The following FRK variants were observed in gnomAD, a reference collection of about 807,000 sequenced individuals.
The protein encoded by FRK is fyn related Src family tyrosine kinase.
Under a neutral mutation model 56.4 loss-of-function variants are expected in FRK, and 51 were observed. The ratio of observed to expected loss-of-function variants is 0.90; its 90% confidence interval spans 0.72 to 1.14. The LOEUF (loss-of-function observed/expected upper bound fraction) is 1.14, where lower values mean the gene tolerates loss of function less well. Ranked by LOEUF, FRK falls within the 50% of genes most tolerant of loss-of-function variation. The pLI, the probability that FRK is intolerant of heterozygous loss-of-function variation, is 0.00. For synonymous variants in FRK, 245 were observed against 217.9 expected (o/e 1.12, Z -1.10); for missense variants, 570 against 601.4 (o/e 0.95, Z 0.55).
chr6:116,063,886 A>G (rs1049058752), upstream of FRK, among the ~76,000 whole-genome samples: 1 of 152,132 alleles, frequency 6.6e-6, no homozygotes, highest in African/African-American at 2.4e-5. Flanking sequence ...AGGCTAGGTA[A>G]TTTGTCCAAG....
chr6:116,054,493 T>C lies in FRK; in HGVS notation c.344+5475A>G, dbSNP rs572866072. On this transcript the variant is annotated intron_variant, in intron 1 of 7. Transcript: ENST00000606080. ...AATATATATAATATATAATAGTATA[T>C]TATACTATTATAATATTATACTATA... Among the ~76,000 whole-genome samples the C allele has an allele frequency of 3.9e-3, 560 of 142,474 alleles. 2 individuals are homozygous for C. Among genetic ancestry groups the C allele is most frequent in the Admixed American group, 6.4e-3 (89 of 13,976 alleles). The allele number at this position is 142,474 out of a possible 152,430, so 93.5% of individuals were successfully genotyped here. A position where few individuals can be genotyped will look rare whatever the true frequency, so the allele number is the denominator to read the frequency against.
intron 1 of FRK, among the ~76,000 whole-genome samples, chr6:116,025,133 G>T (rs956356177): frequency 1.3e-5 from 2 of 152,156 alleles, no homozygotes; most frequent in Non-Finnish European, 2.9e-5. Context: ...CAGGCCCCAT[G>T]AAAGGACGAA....
chr6:116,041,678 G>A (rs760012826), intron 1 of FRK, among the ~76,000 whole-genome samples: 5 of 152,160 alleles, frequency 3.3e-5, no homozygotes, highest in Non-Finnish European at 5.9e-5. Context: ...AAGGGAAGCC[G>A]TAAGGGACTA....
chr6:116,060,109 T>A lies in FRK; in HGVS notation c.203A>T (p.Lys68Ile). Reference protein sequence around the residue: ...AEDLSFRAGDKLQVLDTLHEG... With the variant: ...AEDLSFRAGDILQVLDTLHEG... ...ATGCAAAGTGTCCAGAACTTGAAGT[T>A]TGTCACCTGCTCGGAAGCTCAAGTC... Residue 68 changes from lysine (K) to isoleucine (I), a missense_variant, in exon 1 of 8, where the codon AAA becomes ATA. Physicochemically the swap from Lys to Ile is moderately radical, Grantham distance 102. Transcript: ENST00000606080. The A allele has an allele frequency of 6.2e-7, 1 of 1,614,150 alleles. No individual in the cohort carries two copies. The highest frequency in any genetic ancestry group is 8.5e-7 in the Non-Finnish European group (1 of 1,180,026).
intron 1 of FRK, among the ~76,000 whole-genome samples, chr6:116,040,121 C>T: frequency 6.6e-6 from 1 of 152,038 alleles, no homozygotes; most frequent in Admixed American, 6.5e-5. Context: ...TGAATAATGA[C>T]AGCAGAAACT....
intron 1 of FRK, among the ~76,000 whole-genome samples, chr6:116,042,984 CAAAG>C (rs1224339065): frequency 2.0e-5 from 3 of 151,388 alleles, no homozygotes; most frequent in Middle Eastern, 6.4e-3. Context: ...TCAAAAAAGA[CAAAG>C]AAGGGCATTA....
chr6:115,981,195 A>C (rs1036407577), intron 2 of FRK, among the ~76,000 whole-genome samples: 24 of 152,174 alleles, frequency 1.6e-4, no homozygotes, highest in Non-Finnish European at 2.8e-4. Flanking sequence ...GAGATTCCTC[A>C]GCAAAGACAA....
At chr6:116,059,866 G>A in intron 1 of FRK, 102 bp downstream of exon 1, 1 of 993,750 alleles carries the variant, frequency 1.0e-6, no homozygotes, top group Non-Finnish European at 1.5e-6. Flanking sequence ...TACTTTTTAG[G>A]CAACTCTTTG....
In FRK at chr6:115,941,385, CTAATG is replaced by C. The variant is rs1229048889; in HGVS notation, c.*1024_*1028del. 1 of 152,118 alleles carries C rather than the reference CTAATG, an allele frequency of 6.6e-6. No homozygotes were observed. Among genetic ancestry groups the C allele is most frequent in the Non-Finnish European group, 1.5e-5 (1 of 68,034 alleles). The allele number at this position is 152,118 out of a possible 1,614,324, so 9.4% of individuals were successfully genotyped here. A position where few individuals can be genotyped will look rare whatever the true frequency, so the allele number is the denominator to read the frequency against. Reference sequence around the variant, plus strand: ...GGAGGAACAGCACTAGGAGAAATGCCTAATGTAGACGACGGGTTGATGGGTGCAGC... The same window carrying C: ...GGAGGAACAGCACTAGGAGAAATGCCTAGACGACGGGTTGATGGGTGCAGC... On this transcript the variant is annotated 3_prime_UTR_variant, in exon 8 of 8. Coordinates refer to ENST00000606080, the MANE Select transcript of FRK (RefSeq NM_002031.3).
At chr6:116,045,496 T>C (rs1350894183) in intron 1 of FRK, among the ~76,000 whole-genome samples, 6 of 152,238 alleles carry the variant, frequency 3.9e-5, no homozygotes, top group Admixed American at 6.5e-5. Context: ...GGATTCCCTA[T>C]TGAATAAATG....
At chr6:115,956,695 C>T in intron 4 of FRK, 85 bp from the exon 5 acceptor site, 1 of 1,091,136 alleles carries the variant, frequency 9.2e-7, no homozygotes, top group Non-Finnish European at 1.3e-6. Flanking sequence ...ATCAAGATTG[C>T]CTCCTGCTTC....
chr6:115,969,262 A>C lies in FRK; in HGVS notation c.467-523T>G, dbSNP rs573121727. 2.0e-5 allele frequency among the ~76,000 whole-genome samples: 3 copies of C among 152,272 alleles called. No homozygotes were observed. In the South Asian group the frequency reaches 6.2e-4, roughly 32 times the overall value. On this transcript the variant is annotated intron_variant, in intron 2 of 7. Transcript: ENST00000606080. ...GAAATTCCACAGGACTGTTCATTAT[A>C]TTGTACCTCAATGCAGACTGGTAAC... is the stretch of plus-strand genomic sequence containing the variant.
chr6:115,958,751 GAAAGAAAGAAAGAAA>G (rs1773185710), intron 4 of FRK, among the ~76,000 whole-genome samples: 1 of 20,720 alleles, frequency 4.8e-5, no homozygotes. Flanking sequence ...AAGAAAGAAA[GAAAGAAAGAAAGAAA>G]GAGGGGGGGG....
At chr6:116,070,134 T>TAAA in the FRK span, among the ~76,000 whole-genome samples, 3 of 137,032 alleles carry the variant, frequency 2.2e-5, no homozygotes, top group African/African-American at 5.3e-5. Context: ...GCCCATTATT[T>TAAA]AAAAAAAAAA....
the FRK span, among the ~76,000 whole-genome samples, chr6:116,083,553 A>T: frequency 2.0e-5 from 3 of 152,328 alleles, no homozygotes; most frequent in Non-Finnish European, 4.4e-5. Context: ...TATAGCAATG[A>T]TTCTCAAATT....
At position 115,967,674 on chromosome 6, in the gene FRK, G is replaced by C; in HGVS notation, c.676C>G (p.Gln226Glu). 6 of 1,612,462 alleles carry C rather than the reference G, an allele frequency of 3.7e-6. No homozygotes were observed. Among genetic ancestry groups the C allele is most frequent in the Non-Finnish European group, 5.1e-6 (6 of 1,179,290 alleles). ...PFDLSYKTVD[Q>E]WEIDRNSIQL... ...ATGGAGTTGCGGTCTATCTCCCATT[G>C]GTCCACGGTTTTATACGACAAATCA... Residue 226 changes from glutamine (Q) to glutamate (E), a missense_variant, in exon 4 of 8, where the codon CAA becomes GAA. Gln to Glu is a conservative substitution (Grantham distance 29). Transcript: ENST00000606080.
chr6:115,931,534 A>C lies in FRK; in HGVS notation c.*10880T>G. ...TAAAGAATACAATATAAAAACATGC[A>C]TGTTTTTAAGAGAAAAATCTCACTG... On this transcript the variant is annotated 3_prime_UTR_variant, in exon 8 of 8. Coordinates refer to ENST00000606080, the MANE Select transcript of FRK (RefSeq NM_002031.3). The C allele has an allele frequency of 6.6e-6, 1 of 152,166 alleles. No individual in the cohort carries two copies. The highest frequency in any genetic ancestry group is 1.9e-4 in the East Asian group (1 of 5,200). The allele number at this position is 152,166 out of a possible 1,614,324, so 9.4% of individuals were successfully genotyped here. A position where few individuals can be genotyped will look rare whatever the true frequency, so the allele number is the denominator to read the frequency against.
chr6:115,998,689 G>A (rs1039850575), intron 2 of FRK, among the ~76,000 whole-genome samples: 1 of 152,112 alleles, frequency 6.6e-6, no homozygotes, highest in Non-Finnish European at 1.5e-5. Context: ...CTGAGTTCAG[G>A]GACTGTGCCT....
Position 116,037,900 on chromosome 6 carries a change from T to C in FRK, c.344+22068A>G, listed in dbSNP as rs1360644866. ...CAGGTAGAGTGAAGAAAGGCCCAAC[T>C]GAAGACACTTTCCTGCCTTGCTTTG... On this transcript the variant is annotated intron_variant, in intron 1 of 7. Coordinates refer to ENST00000606080, the MANE Select transcript of FRK (RefSeq NM_002031.3). 3.9e-5 allele frequency among the ~76,000 whole-genome samples: 6 copies of C among 152,296 alleles called. No homozygotes were observed. The East Asian group carries it at 1.2e-3, about 29-fold the overall frequency.
Sources: allele counts gnomAD v4.1 joint callset (sites outside exome capture counted in the v4.1 genomes callset), GRCh38; gene constraint gnomAD v4.1.1; transcripts MANE v1.5; gene names NCBI Gene and HGNC (gene_info 2026-07-23, HGNC 2026-07-21).